The following PNISR variants were observed in gnomAD, a reference collection of about 807,000 sequenced individuals.
The protein encoded by PNISR is arginine/serine-rich protein PNISR.
In PNISR, 20 loss-of-function variants were observed where a neutral mutation model predicts 93.4. The ratio of observed to expected loss-of-function variants is 0.21; its 90% confidence interval spans 0.15 to 0.31. The LOEUF (loss-of-function observed/expected upper bound fraction) is 0.31, where lower values mean the gene tolerates loss of function less well. PNISR is among the 10% of genes least tolerant of loss of function. PNISR has a pLI of 1.00. For missense variants in PNISR, 893 were observed against 985.4 expected (o/e 0.91, Z 1.25); for synonymous variants, 305 against 306.5 (o/e 0.99, Z 0.05).
At chr6:99,404,749 A>G (rs1775938018) in intron 8 of PNISR, 47 bp from the exon 9 acceptor site, 1 of 924,482 alleles carries the variant, frequency 1.1e-6, no homozygotes, top group South Asian at 1.4e-5. Context: ...TATAGCTACT[A>G]ATAGTGTGAC....
At position 99,408,143 on chromosome 6, in the gene PNISR, T is replaced by C; in HGVS notation, c.802A>G (p.Lys268Glu). The C allele has an allele frequency of 1.2e-6, 2 of 1,612,764 alleles. No homozygotes were observed. The highest frequency in any genetic ancestry group is 2.7e-5 in the African/African-American group (2 of 74,866). Reference protein sequence around the residue: ...QQRSQLSKKEKKATEDAEGGD... With the variant: ...QQRSQLSKKEEKATEDAEGGD... ...CCTTCAGCATCTTCTGTGGCCTTTT[T>C]TTCTTTTTTGGACAATTGTGAACGT... The change falls in exon 7 of 12, where the codon AAA becomes GAA. Residue 268 changes from lysine to glutamate, a missense_variant. Coordinates refer to ENST00000369239, the MANE Select transcript of PNISR (RefSeq NM_032870.4).
Position 99,406,061 on chromosome 6 carries a change from C to T in PNISR, c.972G>A (p.Glu324=), listed in dbSNP as rs552362230. The change falls in exon 8 of 12, where the codon GAG becomes GAA. Residue 324 remains glutamate (E), a synonymous_variant. Coordinates refer to ENST00000369239, the MANE Select transcript of PNISR (RefSeq NM_032870.4). Reference sequence around the variant, plus strand: ...GATACTCTTTCTCCTCTTCAGTCATCTCAGGGTCACTGTGCTCTTCTTGAG... The same window carrying T: ...GATACTCTTTCTCCTCTTCAGTCATTTCAGGGTCACTGTGCTCTTCTTGAG... The part of the protein sequence containing the change: ...PVPQEEHSDP[E]MTEEEKEYQM... 1.2e-5 allele frequency: 19 copies of T among 1,611,786 alleles called. No individual in the cohort carries two copies. The South Asian group carries it at 1.8e-4, about 15-fold the overall frequency.
chr6:99,400,730 C>A lies in PNISR; in HGVS notation c.2228G>T (p.Ser743Ile). ...ATGTTTTTTACTATCTTTGGTAGTA[C>A]TTTTCTTACTATCCTGTCTAGAATC... ...RHDSRQDSKK[S>I]TTKDSKKHSG... Residue 743 changes from serine (S) to isoleucine (I), a missense_variant, in exon 12 of 12, where the codon AGT becomes ATT. Physicochemically the swap from Ser to Ile is moderately radical, Grantham distance 142 (BLOSUM62 -2). This residue lies in a region of PNISR where 866 missense variants were observed against 935.1 expected (regional missense o/e 0.93). Coordinates refer to ENST00000369239, the MANE Select transcript of PNISR (RefSeq NM_032870.4). 6.2e-7 allele frequency: 1 copy of A among 1,611,914 alleles called. No individual in the cohort carries two copies. The highest frequency in any genetic ancestry group is 1.3e-5 in the African/African-American group (1 of 74,854).
At chr6:99,409,449 C>T in intron 5 of PNISR, 105 bp from the exon 6 acceptor site, 1 of 955,664 alleles carries the variant, frequency 1.0e-6, no homozygotes, top group Non-Finnish European at 1.6e-6. Context: ...GTGTGCAGCA[C>T]ATCCAAGAAT....
At chr6:99,409,512 ACTTGT>A (rs1776622280) in intron 5 of PNISR, 168 bp from the exon 6 acceptor site, 4 of 549,818 alleles carry the variant, frequency 7.3e-6, no homozygotes, top group Middle Eastern at 9.8e-4. Flanking sequence ...ACCTAGGCTT[ACTTGT>A]CTTAAGATTT....
Position 99,401,213 on chromosome 6 carries a change from A to C in PNISR, c.1745T>G (p.Ile582Arg). The C allele has an allele frequency of 6.2e-7, 1 of 1,613,860 alleles. No homozygotes were observed. The highest frequency in any genetic ancestry group is 8.5e-7 in the Non-Finnish European group (1 of 1,179,964). Residue 582 changes from isoleucine (I) to arginine (R), a missense_variant, in exon 12 of 12, where the codon ATA becomes AGA. This residue lies in a region of PNISR where 866 missense variants were observed against 935.1 expected (regional missense o/e 0.93). Transcript: ENST00000369239. Reference protein sequence around the residue: ...RSRSYSRRIKIESNRARVKIR... With the variant: ...RSRSYSRRIKRESNRARVKIR... ...CTTTACCCTAGCCCTATTGCTCTCT[A>C]TTTTAATTCTGCGAGAATAGCTTCT...
At chr6:99,415,696 T>C (rs1242577927) in intron 2 of PNISR, 1 of 152,200 alleles carries the variant, frequency 6.6e-6, no homozygotes, top group African/African-American at 2.4e-5. Context: ...ATAGCAGGCA[T>C]TTAATAAATG....
intron 11 of PNISR, among the ~76,000 whole-genome samples, chr6:99,401,847 C>T (rs1239724129): frequency 1.3e-5 from 2 of 152,100 alleles, no homozygotes; most frequent in Non-Finnish European, 2.9e-5. Context: ...ATCATTTCAA[C>T]ACATAATAAA....
intron 11 of PNISR, among the ~76,000 whole-genome samples, chr6:99,402,041 A>T (rs1187597738): frequency 6.6e-6 from 1 of 152,218 alleles, no homozygotes; most frequent in Non-Finnish European, 1.5e-5. Context: ...GGCAAGTAGG[A>T]AAAGACTTCC....
At chr6:99,414,383 G>A (rs1489808196) in intron 3 of PNISR, among the ~76,000 whole-genome samples, 189 bp downstream of exon 3, 1 of 152,212 alleles carries the variant, frequency 6.6e-6, no homozygotes, top group Non-Finnish European at 1.5e-5. Context: ...CATTTTGAGA[G>A]TCTTCCAAAG....
chr6:99,412,092 G>GAA (rs919861005), intron 4 of PNISR: 67 of 272,668 alleles, frequency 2.5e-4, no homozygotes, highest in Middle Eastern at 1.0e-3. Context: ...TTCACTATCT[G>GAA]AAAAAAAAAA....
chr6:99,414,852 G>T, intron 2 of PNISR, 162 bp from the exon 3 acceptor site: 1 of 391,510 alleles, frequency 2.6e-6, no homozygotes, highest in Non-Finnish European at 4.5e-6. Flanking sequence ...TACCAAACGA[G>T]GTAGAAAATT....
chr6:99,421,706 A>G (rs1778579794), intron 1 of PNISR, among the ~76,000 whole-genome samples: 1 of 152,170 alleles, frequency 6.6e-6, no homozygotes, highest in African/African-American at 2.4e-5. Context: ...GGAAGAATAA[A>G]TTTCTGTTGT....
In PNISR at chr6:99,399,493, C is replaced by A. The variant is rs1373622470; in HGVS notation, c.*1047G>T. On this transcript the variant is annotated 3_prime_UTR_variant, in exon 12 of 12. Transcript: ENST00000369239. ...TGAATCATGAGTCTTATTTCTATAACCCCAAAAAGTGTTTCAAAATGCTTC... is the reference window on the plus strand; with the variant it reads ...TGAATCATGAGTCTTATTTCTATAAACCCAAAAAGTGTTTCAAAATGCTTC... 1 of 152,002 alleles carries A rather than the reference C, an allele frequency of 6.6e-6. No individual in the cohort carries two copies. The highest frequency in any genetic ancestry group is 6.6e-5 in the Admixed American group (1 of 15,258). The allele number at this position is 152,002 out of a possible 1,614,324, so 9.4% of individuals were successfully genotyped here.
At chr6:99,412,856 G>A in intron 3 of PNISR, 117 bp from the exon 4 acceptor site, 1 of 607,630 alleles carries the variant, frequency 1.6e-6, no homozygotes, top group South Asian at 4.4e-5. Context: ...CAGACAGAGA[G>A]GGTATGAGGG....
chr6:99,410,118 C>T (rs1776720246), intron 5 of PNISR: 1 of 152,112 alleles, frequency 6.6e-6, no homozygotes, highest in Non-Finnish European at 1.5e-5. Flanking sequence ...TAATTGCAAT[C>T]AGTTATTTCA....
intron 1 of PNISR, among the ~76,000 whole-genome samples, chr6:99,420,031 C>T (rs1323960195): frequency 6.6e-6 from 1 of 152,034 alleles, no homozygotes; most frequent in Non-Finnish European, 1.5e-5. Flanking sequence ...ACTACAGGCG[C>T]CTGCTACCAC....
intron 10 of PNISR, 177 bp from the exon 11 acceptor site, chr6:99,402,887 A>G: frequency 2.2e-6 from 1 of 448,436 alleles, no homozygotes; most frequent in Admixed American, 3.7e-5. Flanking sequence ...CAGAACCTTC[A>G]GGCAAAGGTT....
chr6:99,404,767 A>G lies in PNISR; in HGVS notation c.1003-65T>C, dbSNP rs564470797. ...AGCTACTAATAGTGTGACATCTTCA[A>G]AAATATTAAAATGCAAAGCCATTTT... On this transcript the variant is annotated intron_variant, in intron 8 of 11. Coordinates refer to ENST00000369239, the MANE Select transcript of PNISR (RefSeq NM_032870.4). The G allele has an allele frequency of 1.0e-4, 82 of 811,590 alleles. No individual in the cohort carries two copies. The African/African-American group carries it at 1.2e-3, about 12-fold the overall frequency. 50.3% of individuals were successfully genotyped at this position (811,590 alleles called of 1,614,324 possible).
Sources: allele counts gnomAD v4.1 joint callset (sites outside exome capture counted in the v4.1 genomes callset), GRCh38; gene constraint gnomAD v4.1.1; regional missense constraint gnomAD v4.1.1; transcripts MANE v1.5; gene names NCBI Gene and HGNC (gene_info 2026-07-23, HGNC 2026-07-21).